Variants in EXOC4 observed in about 807,000 individuals in gnomAD.
EXOC4 encodes the protein exocyst complex component 4, also known as SEC8-like 1.
EXOC4 carries 71 observed loss-of-function variants against 107.2 expected under a neutral mutation model. That is an observed-to-expected ratio of 0.66 (90% CI 0.55 to 0.81). The LOEUF is 0.81. EXOC4 is among the 30% of genes least tolerant of loss of function. EXOC4 has a pLI of 0.00. For synonymous variants in EXOC4, 456 were observed against 441.2 expected, an observed-to-expected ratio of 1.03 and a Z score of -0.42; for missense variants, 1,108 against 1,189.6, an observed-to-expected ratio of 0.93 and a Z score of 1.01.
chr7:133,534,440 A>G (rs1373147066), intron 9 of EXOC4, among the ~76,000 whole-genome samples: 1 of 152,146 alleles, frequency 6.6e-6, no homozygotes, highest in Non-Finnish European at 1.5e-5. Context: ...CCTCTTCATC[A>G]ATGTCACATT....
chr7:133,744,177 T>C (rs560167554), intron 10 of EXOC4, among the ~76,000 whole-genome samples: 94 of 152,126 alleles, frequency 6.2e-4, no homozygotes, highest in Non-Finnish European at 2.9e-4. Context: ...TTGTTAAATG[T>C]TCAGAGAAAA....
At chr7:133,876,357 C>T (rs1233679781) in intron 11 of EXOC4, among the ~76,000 whole-genome samples, 4 of 151,866 alleles carry the variant, frequency 2.6e-5, no homozygotes, top group Non-Finnish European at 4.4e-5. Flanking sequence ...ATCATTACCT[C>T]GAGTGAGTCT....
At chr7:133,684,936 A>C (rs1045719777) in intron 10 of EXOC4, among the ~76,000 whole-genome samples, 2 of 152,148 alleles carry the variant, frequency 1.3e-5, no homozygotes, top group Non-Finnish European at 2.9e-5. Context: ...TTACCTCGTC[A>C]ATTAAAGGGT....
chr7:133,765,125 T>C lies in EXOC4; in HGVS notation c.1515-52200T>C, dbSNP rs1796109627. ...GTAGGCTGTTGCTGCTATCTTTATG[T>C]TATACTGTTTATGAAAATAAGTTTT... On this transcript the variant is annotated intron_variant, in intron 10 of 17. Transcript: ENST00000253861. Among the ~76,000 whole-genome samples the C allele has an allele frequency of 2.0e-5, 3 of 152,082 alleles. No homozygotes were observed. In the South Asian group the frequency reaches 6.2e-4, roughly 31 times the overall value.
intron 14 of EXOC4, among the ~76,000 whole-genome samples, chr7:133,967,345 T>C (rs1801095431): frequency 6.6e-6 from 1 of 152,100 alleles, no homozygotes; most frequent in African/African-American, 2.4e-5. Flanking sequence ...TACTCTGATC[T>C]GAGTTATTTA....
chr7:133,719,148 T>G (rs545819334), intron 10 of EXOC4, among the ~76,000 whole-genome samples: 6 of 152,252 alleles, frequency 3.9e-5, no homozygotes, highest in African/African-American at 1.4e-4. Flanking sequence ...TGTCACAAGA[T>G]CCAATGGTTT....
chr7:133,585,933 G>A (rs1006860167), intron 9 of EXOC4, among the ~76,000 whole-genome samples: 2 of 152,066 alleles, frequency 1.3e-5, no homozygotes, highest in Admixed American at 1.3e-4. Context: ...GACCTCAAGT[G>A]ATCTGCCTGC....
chr7:133,407,426 C>A (rs1414892532), intron 7 of EXOC4, among the ~76,000 whole-genome samples: 2 of 152,122 alleles, frequency 1.3e-5, no homozygotes, highest in Non-Finnish European at 2.9e-5. Context: ...CCATTTTTAA[C>A]ATGTTTTGAG....
chr7:133,803,498 T>C (rs1796996781), intron 10 of EXOC4, among the ~76,000 whole-genome samples: 1 of 152,194 alleles, frequency 6.6e-6, no homozygotes, highest in African/African-American at 2.4e-5. Context: ...TTCTGTGAGT[T>C]TTAGGAATTT....
At chr7:133,602,413 G>A (rs150996885) in intron 9 of EXOC4, among the ~76,000 whole-genome samples, 6 of 152,274 alleles carry the variant, frequency 3.9e-5, no homozygotes, top group African/African-American at 1.4e-4. Context: ...GTCTGCTGAG[G>A]GTTGAGTTTC....
intron 10 of EXOC4, among the ~76,000 whole-genome samples, chr7:133,815,145 G>A (rs911563832): frequency 8.5e-5 from 13 of 152,062 alleles, no homozygotes; most frequent in South Asian, 4.2e-4. Flanking sequence ...TTGGGAGGCC[G>A]AAGCGGGCAG....
chr7:134,085,854 G>T, the EXOC4 span, among the ~76,000 whole-genome samples: 71,142 of 152,004 alleles, frequency 0.47, 17,072 homozygotes, highest in East Asian at 0.62. Context: ...TTGGGAATGG[G>T]TTATTCACAG....
At chr7:133,384,551 TGTG>T (rs1796684567) in intron 7 of EXOC4, among the ~76,000 whole-genome samples, 1 of 152,084 alleles carries the variant, frequency 6.6e-6, no homozygotes, top group African/African-American at 2.4e-5. Context: ...CATAATAAGT[TGTG>T]GTGATTAATA....
intron 10 of EXOC4, among the ~76,000 whole-genome samples, chr7:133,780,096 G>A (rs948387378): frequency 6.6e-6 from 1 of 152,160 alleles, no homozygotes; most frequent in African/African-American, 2.4e-5. Context: ...GGGGTTAGAT[G>A]CTGGAGGGAT....
intron 9 of EXOC4, among the ~76,000 whole-genome samples, chr7:133,575,125 T>G (rs901503213): frequency 5.1e-4 from 78 of 152,328 alleles, no homozygotes; most frequent in Non-Finnish European, 4.4e-5. Flanking sequence ...ATGTATTCAT[T>G]TTTTCTCGTC....
At chr7:133,702,350 T>TCCCC in intron 10 of EXOC4, among the ~76,000 whole-genome samples, 1 of 142,280 alleles carries the variant, frequency 7.0e-6, no homozygotes, top group Non-Finnish European at 1.5e-5. Flanking sequence ...TCTCTTCCCT[T>TCCCC]CCCATCTTGA....
intron 2 of EXOC4, among the ~76,000 whole-genome samples, chr7:133,288,429 G>A (rs1794330036): frequency 6.6e-6 from 1 of 152,118 alleles, no homozygotes; most frequent in Non-Finnish European, 1.5e-5. Context: ...TCTTTTGGAA[G>A]CTGGGGTTAC....
At chr7:133,732,205 A>G (rs1178291944) in intron 10 of EXOC4, among the ~76,000 whole-genome samples, 1 of 152,102 alleles carries the variant, frequency 6.6e-6, no homozygotes, top group African/African-American at 2.4e-5. Flanking sequence ...AAAACCAAAC[A>G]CCACATTTTC....
intron 10 of EXOC4, among the ~76,000 whole-genome samples, chr7:133,682,647 G>A (rs139819467): frequency 1.3e-5 from 2 of 152,192 alleles, no homozygotes; most frequent in Admixed American, 6.5e-5. Context: ...TCAGATAAGC[G>A]TGGATGGCAT....
Sources: allele counts gnomAD v4.1 joint callset (sites outside exome capture counted in the v4.1 genomes callset), GRCh38; gene constraint gnomAD v4.1.1; transcripts MANE v1.5; gene names NCBI Gene and HGNC (gene_info 2026-07-23, HGNC 2026-07-21).